SH3RF3: variants seen among roughly 807,000 people sequenced by gnomAD.
The protein encoded by SH3RF3 is SH3 domain containing ring finger 3.
In SH3RF3, 29 loss-of-function variants were observed where a neutral mutation model predicts 66.3. The observed-to-expected ratio is 0.44, with a 90% CI of 0.33 to 0.60. SH3RF3 has a LOEUF of 0.60. Ranked by LOEUF, SH3RF3 falls within the 20% of genes least tolerant of loss-of-function variation. The probability of loss-of-function intolerance (pLI) is 0.04; values close to 1 mark genes in which losing one functional copy is unlikely to be tolerated. For synonymous variants in SH3RF3, 583 were observed against 532.0 expected, an observed-to-expected ratio of 1.10 and a Z score of -1.32; for missense variants, 1,194 against 1,190.9, an observed-to-expected ratio of 1.00 and a Z score of -0.04.
intron 6 of SH3RF3, among the ~76,000 whole-genome samples, chr2:109,436,095 C>T (rs1436061918): frequency 6.6e-6 from 1 of 152,148 alleles, no homozygotes; most frequent in Non-Finnish European, 1.5e-5. Flanking sequence ...GCAGCCTGTT[C>T]TCCCACCTGT....
At position 109,460,024 on chromosome 2, in the gene SH3RF3, C is replaced by T. The variant is rs1559095409; in HGVS notation, c.2148+10535C>T. 8.5e-5 allele frequency among the ~76,000 whole-genome samples: 13 copies of T among 152,306 alleles called. 1 individual carries two copies. The South Asian group carries it at 2.7e-3, about 32-fold the overall frequency. ...CCAGCTGGTGCTGTAACTGAGTCTT[C>T]AAAAGGTCATTCTACATTCTGTCAA... On this transcript the variant is annotated intron_variant, in intron 8 of 9. Coordinates refer to ENST00000309415, the MANE Select transcript of SH3RF3 (RefSeq NM_001099289.3).
At chr2:109,242,706 C>T (rs150932700) in intron 1 of SH3RF3, among the ~76,000 whole-genome samples, 2 of 152,156 alleles carry the variant, frequency 1.3e-5, no homozygotes, top group Non-Finnish European at 2.9e-5. Context: ...TTTCGTGAGC[C>T]CTGGTCTGGG....
At chr2:109,495,337 G>A (rs992808162) in intron 9 of SH3RF3, among the ~76,000 whole-genome samples, 1 of 152,120 alleles carries the variant, frequency 6.6e-6, no homozygotes, top group African/African-American at 2.4e-5. Context: ...CTGAGTTCTG[G>A]GACCAGCCCC....
intron 1 of SH3RF3, among the ~76,000 whole-genome samples, chr2:109,254,626 A>G (rs978835310): frequency 2.0e-5 from 3 of 152,202 alleles, no homozygotes; most frequent in Non-Finnish European, 4.4e-5. Context: ...AAGGTTGGTC[A>G]AATAGTTTCT....
At chr2:109,130,402 T>G (rs1010494388) in intron 1 of SH3RF3, among the ~76,000 whole-genome samples, 10 of 152,310 alleles carry the variant, frequency 6.6e-5, no homozygotes, top group African/African-American at 2.4e-4. Context: ...CCTCTTAAAC[T>G]TAGCATCGCC....
intron 4 of SH3RF3, among the ~76,000 whole-genome samples, chr2:109,404,860 A>G (rs1384276188): frequency 6.6e-6 from 1 of 152,014 alleles, no homozygotes; most frequent in Non-Finnish European, 1.5e-5. Flanking sequence ...CTCATCCGCC[A>G]TCTTGACCTC....
At chr2:109,283,000 G>A (rs1680933245) in intron 1 of SH3RF3, among the ~76,000 whole-genome samples, 2 of 152,208 alleles carry the variant, frequency 1.3e-5, no homozygotes, top group African/African-American at 4.8e-5. Flanking sequence ...AGGAAGGGGT[G>A]ACTGCTTGGC....
chr2:109,176,450 G>A (rs1677916950), intron 1 of SH3RF3, among the ~76,000 whole-genome samples: 1 of 152,172 alleles, frequency 6.6e-6, no homozygotes, highest in South Asian at 2.1e-4. Context: ...AAGGCATAGG[G>A]GCCAGCCATG....
At chr2:109,140,892 C>CT (rs1416533527) in intron 1 of SH3RF3, among the ~76,000 whole-genome samples, 1 of 152,178 alleles carries the variant, frequency 6.6e-6, no homozygotes, top group East Asian at 1.9e-4. Flanking sequence ...CCACTTGGTA[C>CT]TATCACTGCT....
chr2:109,139,752 A>G (rs961115536), intron 1 of SH3RF3, among the ~76,000 whole-genome samples: 7 of 152,244 alleles, frequency 4.6e-5, no homozygotes, highest in Admixed American at 1.3e-4. Flanking sequence ...GGCACCTGCT[A>G]TGGGTCAGCA....
chr2:109,359,338 T>C (rs1285203968), intron 2 of SH3RF3, among the ~76,000 whole-genome samples: 1 of 152,250 alleles, frequency 6.6e-6, no homozygotes, highest in Non-Finnish European at 1.5e-5. Flanking sequence ...TGAGATTGTG[T>C]TAAATCTATA....
At chr2:109,446,071 T>C (rs1677695833) in intron 7 of SH3RF3, among the ~76,000 whole-genome samples, 2 of 152,092 alleles carry the variant, frequency 1.3e-5, no homozygotes, top group South Asian at 4.2e-4. Flanking sequence ...GTGGGCTACT[T>C]TGGCATCACT....
At chr2:109,153,353 G>A (rs895209602) in intron 1 of SH3RF3, among the ~76,000 whole-genome samples, 11 of 152,086 alleles carry the variant, frequency 7.2e-5, no homozygotes, top group Admixed American at 1.3e-4. Flanking sequence ...TCTTCTTAGT[G>A]ATTTAAAAAA....
At chr2:109,273,080 A>C (rs1680666358) in intron 1 of SH3RF3, among the ~76,000 whole-genome samples, 1 of 152,216 alleles carries the variant, frequency 6.6e-6, no homozygotes, top group African/African-American at 2.4e-5. Context: ...TTGTTTACTG[A>C]GTATTTCGGG....
intron 3 of SH3RF3, among the ~76,000 whole-genome samples, chr2:109,372,848 G>T (rs74810831): frequency 6.6e-6 from 1 of 152,166 alleles, no homozygotes; most frequent in Non-Finnish European, 1.5e-5. Flanking sequence ...CGGGTGACAC[G>T]GCCAGCTTTG....
At chr2:109,326,305 G>A (rs987841) in intron 1 of SH3RF3, among the ~76,000 whole-genome samples, 41,577 of 152,008 alleles carry the variant, frequency 0.27, 7,382 homozygotes, top group African/African-American at 0.5. Flanking sequence ...ATGGATCTGA[G>A]TATATCATAG....
At position 109,263,358 on chromosome 2, in the gene SH3RF3, G is replaced by A. The variant is rs1680405492; in HGVS notation, c.574-84316G>A. 2.6e-5 allele frequency among the ~76,000 whole-genome samples: 4 copies of A among 152,238 alleles called. No homozygotes were observed. The South Asian group carries it at 8.3e-4, about 32-fold the overall frequency. ...CTAGCATCAGATTTTCTCAGTTTTTGTATATCTGGAATGTGTTTATTTTGT... is the reference window on the plus strand; with the variant it reads ...CTAGCATCAGATTTTCTCAGTTTTTATATATCTGGAATGTGTTTATTTTGT... On this transcript the variant is annotated intron_variant, in intron 1 of 9. Coordinates refer to ENST00000309415, the MANE Select transcript of SH3RF3 (RefSeq NM_001099289.3).
chr2:109,156,147 TTG>T (rs1336637523), intron 1 of SH3RF3, among the ~76,000 whole-genome samples: 1 of 152,234 alleles, frequency 6.6e-6, no homozygotes, highest in Non-Finnish European at 1.5e-5. Flanking sequence ...ATTGTCTGAT[TTG>T]CAGTCCATCT....
chr2:109,305,421 G>A (rs1056664796), intron 1 of SH3RF3, among the ~76,000 whole-genome samples: 2 of 152,120 alleles, frequency 1.3e-5, no homozygotes. Flanking sequence ...GGGGAACATC[G>A]TGCTTCCTAT....
Sources: allele counts gnomAD v4.1 joint callset (sites outside exome capture counted in the v4.1 genomes callset), GRCh38; gene constraint gnomAD v4.1.1; transcripts MANE v1.5; gene names NCBI Gene and HGNC (gene_info 2026-07-23, HGNC 2026-07-21).